Variants in MED15 observed in about 807,000 individuals in gnomAD.
MED15 encodes the protein mediator complex subunit 15.
MED15 carries 41 observed loss-of-function variants against 118.7 expected under a neutral mutation model. That is an observed-to-expected ratio of 0.35 (90% CI 0.27 to 0.45). MED15 has a LOEUF of 0.45. MED15 is among the 20% of genes least tolerant of loss of function. The probability of loss-of-function intolerance (pLI) is 1.00; values close to 1 mark genes in which losing one functional copy is unlikely to be tolerated. For missense variants in MED15, 740 were observed against 1,025.5 expected (o/e 0.72, Z 3.80); for synonymous variants, 436 against 413.9 (o/e 1.05, Z -0.65).
chr22:20,586,506 G>A, intron 17 of MED15, 62 bp from the exon 18 acceptor site: 3 of 1,584,454 alleles, frequency 1.9e-6, no homozygotes, highest in Non-Finnish European at 2.6e-6. Flanking sequence ...AGCACTGCCG[G>A]GTGTGCCAGG....
intron 1 of MED15, among the ~76,000 whole-genome samples, chr22:20,532,380 A>G (rs1256602531): frequency 6.6e-6 from 1 of 152,140 alleles, no homozygotes; most frequent in Non-Finnish European, 1.5e-5. Flanking sequence ...ATTAAGACAC[A>G]CTGTGTTCTG....
chr22:20,508,124 T>C, intron 1 of MED15: 2 of 1,245,180 alleles, frequency 1.6e-6, no homozygotes, highest in Non-Finnish European at 2.0e-6. Context: ...TCATGGTTTC[T>C]CTTCCAGAAA....
intron 1 of MED15, chr22:20,524,463 GA>G (rs1392566714): frequency 8.4e-5 from 12 of 142,050 alleles, no homozygotes; most frequent in African/African-American, 3.0e-4. Flanking sequence ...GCTGCAGCCA[GA>G]AGGCACCTCT....
At chr22:20,579,989 C>T (rs931592221) in intron 9 of MED15, among the ~76,000 whole-genome samples, 4 of 152,138 alleles carry the variant, frequency 2.6e-5, no homozygotes, top group African/African-American at 9.7e-5. Flanking sequence ...TGGGGGGCTG[C>T]TTCTCATCCC....
intron 1 of MED15, among the ~76,000 whole-genome samples, chr22:20,523,263 G>A (rs548250706): frequency 6.6e-6 from 1 of 152,206 alleles, no homozygotes; most frequent in African/African-American, 2.4e-5. Flanking sequence ...GAGTCTGGCT[G>A]GGACCTGCAT....
intron 2 of MED15, among the ~76,000 whole-genome samples, chr22:20,538,554 A>G (rs1344825728): frequency 6.6e-6 from 1 of 152,080 alleles, no homozygotes; most frequent in Non-Finnish European, 1.5e-5. Flanking sequence ...CCAGCCTTCA[A>G]CATTTTTTAA....
Position 20,584,886 on chromosome 22 carries a change from C to G in MED15, c.1835C>G (p.Thr612Ser). The G allele has an allele frequency of 6.2e-7, 1 of 1,613,538 alleles. No individual in the cohort carries two copies. The highest frequency in any genetic ancestry group is 8.5e-7 in the Non-Finnish European group (1 of 1,180,008). Residue 612 changes from threonine to serine, a missense_variant, in exon 15 of 18, where the codon ACC (threonine) becomes AGC (serine). Coordinates refer to ENST00000263205, the MANE Select transcript of MED15 (RefSeq NM_001003891.3). The stretch of plus-strand genomic sequence containing the variant: ...CCCCCACCGCCCCCGGTGCCACCGA[C>G]CAAACAGCAGTACCTATGCCAGCCG... ...PTPPPPPVPP[T>S]KQQYLCQPLL...
intron 1 of MED15, among the ~76,000 whole-genome samples, chr22:20,533,955 A>G (rs551324896): frequency 6.6e-6 from 1 of 152,126 alleles, no homozygotes; most frequent in African/African-American, 2.4e-5. Flanking sequence ...CTGCACCAAG[A>G]CAGTGTCTGT....
intron 9 of MED15, chr22:20,582,184 T>C: frequency 4.1e-6 from 1 of 241,714 alleles, no homozygotes; most frequent in Non-Finnish European, 8.0e-6. Flanking sequence ...TGTGGAAGCA[T>C]GTGGGAAGAC....
rs747037279 is a variant in MED15 at position 20,582,557 on chromosome 22, G to A, written c.1273-54G>A. On this transcript the variant is annotated intron_variant, in intron 9 of 17. Transcript: ENST00000263205. ...ATGCGTGCGGTGGGCAGGTGGTGTG[G>A]AGGCAGGCGGGCGGGCGTGTGGCAG... 7.8e-6 allele frequency: 12 copies of A among 1,535,166 alleles called. No homozygotes were observed. In the South Asian group the frequency reaches 1.4e-4, roughly 18 times the overall value.
intron 1 of MED15, among the ~76,000 whole-genome samples, chr22:20,532,549 C>G (rs2054901013): frequency 6.6e-6 from 1 of 152,194 alleles, no homozygotes; most frequent in East Asian, 1.9e-4. Flanking sequence ...ACCAGCTAGA[C>G]CATGGCCAAA....
intron 5 of MED15, among the ~76,000 whole-genome samples, chr22:20,564,011 C>T (rs1471198853): frequency 6.6e-6 from 1 of 152,076 alleles, no homozygotes; most frequent in African/African-American, 2.4e-5. Context: ...TATTATTTGG[C>T]GATAAAAATA....
chr22:20,533,974 T>C (rs2054956647), intron 1 of MED15, among the ~76,000 whole-genome samples: 1 of 152,184 alleles, frequency 6.6e-6, no homozygotes, highest in African/African-American at 2.4e-5. Flanking sequence ...GTCTGGGGCC[T>C]GCCAGTCTGC....
intron 10 of MED15, 23 bp downstream of exon 10, chr22:20,582,770 C>T: frequency 6.3e-6 from 10 of 1,590,464 alleles, no homozygotes; most frequent in Non-Finnish European, 8.5e-6. Context: ...TGGGGTGCCC[C>T]TCCCCACCTG....
chr22:20,539,633 A>G (rs966538815), intron 2 of MED15, among the ~76,000 whole-genome samples: 4 of 152,162 alleles, frequency 2.6e-5, no homozygotes, highest in Non-Finnish European at 5.9e-5. Context: ...CTACCTCTGT[A>G]TTTGACCTTT....
chr22:20,541,908 A>G (rs1204989992), intron 2 of MED15, among the ~76,000 whole-genome samples: 1 of 152,134 alleles, frequency 6.6e-6, no homozygotes, highest in Non-Finnish European at 1.5e-5. Flanking sequence ...TAGGCCTCCC[A>G]AAGTGCTGGG....
At chr22:20,527,929 C>T (rs974722743) in intron 1 of MED15, among the ~76,000 whole-genome samples, 3 of 148,704 alleles carry the variant, frequency 2.0e-5, no homozygotes, top group East Asian at 4.0e-4. Context: ...TGGACTCCAG[C>T]CTGGGCGACA....
intron 5 of MED15, among the ~76,000 whole-genome samples, chr22:20,562,938 A>G (rs2056301059): frequency 6.6e-6 from 1 of 151,928 alleles, no homozygotes; most frequent in African/African-American, 2.4e-5. Flanking sequence ...CGGGAGGCTG[A>G]GGCAGGAGGG....
chr22:20,565,150 C>T (rs940940105), intron 6 of MED15, among the ~76,000 whole-genome samples: 1 of 152,118 alleles, frequency 6.6e-6, no homozygotes, highest in Non-Finnish European at 1.5e-5. Context: ...AAAAGGAAAA[C>T]AAAAGTCTGG....
Sources: allele counts gnomAD v4.1 joint callset (sites outside exome capture counted in the v4.1 genomes callset), GRCh38; gene constraint gnomAD v4.1.1; transcripts MANE v1.5; gene names NCBI Gene and HGNC (gene_info 2026-07-23, HGNC 2026-07-21).